SLC22A14: variants seen among roughly 807,000 people sequenced by gnomAD.
SLC22A14 encodes the protein solute carrier family 22 member 14.
A neutral mutation model predicts 53.9 loss-of-function variants in SLC22A14; 50 were observed. The ratio of observed to expected loss-of-function variants is 0.93; its 90% CI spans 0.74 to 1.17. The LOEUF is 1.17. Ranked by LOEUF, SLC22A14 falls within the 50% of genes most tolerant of loss-of-function variation. The pLI, the probability that SLC22A14 is intolerant of heterozygous loss-of-function variation, is 0.00. For synonymous variants in SLC22A14, 312 were observed against 303.0 expected, an observed-to-expected ratio of 1.03 and a Z score of -0.31; for missense variants, 671 against 734.7, an observed-to-expected ratio of 0.91 and a Z score of 1.00.
chr3:38,290,561 A>G lies in SLC22A14; in HGVS notation c.-1+8222A>G, dbSNP rs1252480883. Reference sequence around the variant, plus strand: ...CTGCTTGACAGTTTTTAAAAGGCCTAGTCCAGTAAACAATAATTTGGCCAT... The same window carrying G: ...CTGCTTGACAGTTTTTAAAAGGCCTGGTCCAGTAAACAATAATTTGGCCAT... On this transcript the variant is annotated intron_variant, in intron 1 of 10. Coordinates refer to ENST00000448498, the MANE Select transcript of SLC22A14 (RefSeq NM_001320033.2). 3.3e-5 allele frequency among the ~76,000 whole-genome samples: 5 copies of G among 152,346 alleles called. No individual in the cohort carries two copies. In the East Asian group the frequency reaches 7.7e-4, roughly 24 times the overall value.
At chr3:38,287,067 T>C (rs1044756681) in intron 1 of SLC22A14, among the ~76,000 whole-genome samples, 1 of 152,084 alleles carries the variant, frequency 6.6e-6, no homozygotes, top group African/African-American at 2.4e-5. Flanking sequence ...ACTCTTTACA[T>C]AGTCTTGATC....
At chr3:38,303,310 ATGGT>A (rs1282860192) in intron 1 of SLC22A14, among the ~76,000 whole-genome samples, 1 of 151,700 alleles carries the variant, frequency 6.6e-6, no homozygotes, top group Non-Finnish European at 1.5e-5. Context: ...ACTTCTTATG[ATGGT>A]TGTTTAGTTG....
rs899927688 is a variant in SLC22A14 at position 38,282,296 on chromosome 3, AG to A, written c.-42del. 2.0e-4 allele frequency: 31 copies of A among 152,688 alleles called. No individual in the cohort carries two copies. Among genetic ancestry groups the A allele is most frequent in the African/African-American group, 7.5e-4 (31 of 41,418 alleles). 9.5% of individuals were successfully genotyped at this position (152,688 alleles called of 1,614,324 possible). On this transcript the variant is annotated 5_prime_UTR_variant, in exon 1 of 11. Transcript: ENST00000448498. ...CTTCCTGGACACCAGTGGAGCTCAA[AG>A]GTTCTGCTTCCAAGGGTCTGGCTGG...
intron 8 of SLC22A14, 73 bp from the exon 9 acceptor site, chr3:38,315,485 G>T: frequency 2.0e-6 from 3 of 1,471,126 alleles, no homozygotes; most frequent in Non-Finnish European, 1.9e-6. Context: ...CAGGTGGTGG[G>T]GAAGGCTGTT....
chr3:38,313,669 C>G, intron 7 of SLC22A14, 58 bp from the exon 8 acceptor site: 1 of 283,294 alleles, frequency 3.5e-6, no homozygotes, highest in East Asian at 9.6e-5. Flanking sequence ...TGTCTTTATT[C>G]CTGGCTCCGT....
chr3:38,315,477 G>C (rs548336740), intron 8 of SLC22A14, 81 bp from the exon 9 acceptor site: 1 of 1,431,124 alleles, frequency 7.0e-7, no homozygotes, highest in Non-Finnish European at 9.5e-7. Context: ...CAGCTGGGCA[G>C]GTGGTGGGGA....
At chr3:38,284,409 C>T in intron 1 of SLC22A14, among the ~76,000 whole-genome samples, 1 of 152,212 alleles carries the variant, frequency 6.6e-6, no homozygotes, top group Non-Finnish European at 1.5e-5. Flanking sequence ...GCGAATGCAG[C>T]TCGGCCTCCC....
At chr3:38,308,643 A>G (rs2070491) in intron 4 of SLC22A14, among the ~76,000 whole-genome samples, 80,065 of 152,170 alleles carry the variant, frequency 0.53, 21,519 homozygotes, top group South Asian at 0.63. Flanking sequence ...GTGTCAGGCC[A>G]CGTGTCTGGT....
intron 1 of SLC22A14, among the ~76,000 whole-genome samples, chr3:38,304,256 C>A (rs1304423534): frequency 6.6e-6 from 1 of 151,588 alleles, no homozygotes; most frequent in African/African-American, 2.4e-5. Flanking sequence ...TTCTTGTTAT[C>A]TCTATAATTA....
At chr3:38,311,145 G>T (rs1704457875) in intron 5 of SLC22A14, among the ~76,000 whole-genome samples, 1 of 152,158 alleles carries the variant, frequency 6.6e-6, no homozygotes, top group Non-Finnish European at 1.5e-5. Flanking sequence ...GGGGAGTGAG[G>T]AGGAGAGATT....
intron 1 of SLC22A14, among the ~76,000 whole-genome samples, chr3:38,286,560 G>C (rs935684776): frequency 2.7e-5 from 4 of 150,752 alleles, no homozygotes; most frequent in African/African-American, 7.3e-5. Context: ...ACAGACGTGT[G>C]CCACCACGCC....
intron 2 of SLC22A14, 142 bp downstream of exon 2, chr3:38,306,684 C>A: frequency 1.3e-6 from 1 of 799,368 alleles, no homozygotes; most frequent in Non-Finnish European, 2.0e-6. Context: ...AGGGTCTGGG[C>A]AGAAAATTAG....
upstream of SLC22A14, among the ~76,000 whole-genome samples, chr3:38,279,471 T>C (rs1031398021): frequency 6.6e-6 from 1 of 152,142 alleles, no homozygotes; most frequent in African/African-American, 2.4e-5. Flanking sequence ...TTGGTAGAGA[T>C]GGGGTTTTGC....
intron 10 of SLC22A14, 107 bp from the exon 11 acceptor site, chr3:38,318,091 C>A (rs1376878781): frequency 1.0e-6 from 1 of 1,000,310 alleles, no homozygotes; most frequent in East Asian, 2.4e-5. Flanking sequence ...GAGAAAGCCT[C>A]ACCTCTTGGG....
intron 1 of SLC22A14, among the ~76,000 whole-genome samples, chr3:38,304,238 C>A (rs1226212174): frequency 1.3e-5 from 2 of 151,254 alleles, no homozygotes; most frequent in Non-Finnish European, 2.9e-5. Flanking sequence ...ACTGTGTGTT[C>A]TCTCAATTTC....
chr3:38,308,917 A>C, intron 4 of SLC22A14, 37 bp from the exon 5 acceptor site: 1 of 1,602,290 alleles, frequency 6.2e-7, no homozygotes, highest in South Asian at 1.1e-5. Flanking sequence ...GGGGACCCTG[A>C]CGTAACCATG....
At chr3:38,281,307 A>AT (rs1020383304), upstream of SLC22A14, among the ~76,000 whole-genome samples, 7 of 151,704 alleles carry the variant, frequency 4.6e-5, no homozygotes, top group East Asian at 1.9e-4. Flanking sequence ...AATTCTTTTA[A>AT]TTTTTTTTTG....
intron 1 of SLC22A14, among the ~76,000 whole-genome samples, chr3:38,299,294 C>T (rs140145139): frequency 1.3e-4 from 20 of 152,272 alleles, no homozygotes; most frequent in East Asian, 9.7e-4. Flanking sequence ...CCTCCCATTC[C>T]GTCTACCCCA....
intron 1 of SLC22A14, among the ~76,000 whole-genome samples, chr3:38,289,337 A>T (rs1468885647): frequency 2.0e-5 from 3 of 152,138 alleles, no homozygotes; most frequent in Non-Finnish European, 4.4e-5. Context: ...CCTAACTTGA[A>T]CTTGGCCAGT....
Sources: gnomAD v4.1 joint callset for allele counts (sites outside exome capture counted in the v4.1 genomes callset) on GRCh38, gnomAD v4.1.1 for gene constraint, MANE v1.5 for transcripts, NCBI Gene and HGNC (gene_info 2026-07-23, HGNC 2026-07-21) for gene names.